The following C9orf43 variants were observed in gnomAD, a reference collection of about 807,000 sequenced individuals.
C9orf43 encodes chromosome 9 open reading frame 43, also known as uncharacterized protein C9orf43.
C9orf43 carries 45 observed loss-of-function variants against 59.1 expected under a neutral mutation model. That is an observed-to-expected ratio of 0.76 (90% CI 0.60 to 0.98). C9orf43 has a LOEUF of 0.98. C9orf43 is among the 50% of genes least tolerant of loss of function. C9orf43 has a pLI of 0.00. For synonymous variants in C9orf43, 203 were observed against 196.8 expected, an observed-to-expected ratio of 1.03 and a Z score of -0.26; for missense variants, 533 against 554.9, an observed-to-expected ratio of 0.96 and a Z score of 0.40.
At chr9:113,424,459 C>G (rs755567204) in intron 8 of C9orf43, 143 bp downstream of exon 8, 5 of 787,834 alleles carry the variant, frequency 6.3e-6, no homozygotes, top group African/African-American at 3.5e-5. Context: ...AGGCTGGGCT[C>G]TATGTATGTA....
In C9orf43 at chr9:113,419,146, G is replaced by A. The variant is rs757138150; in HGVS notation, c.326G>A (p.Cys109Tyr). Residue 109 changes from cysteine (C) to tyrosine (Y), a missense_variant, in exon 4 of 14, where the codon TGT becomes TAT. Cys to Tyr is a radical substitution (Grantham distance 194). Coordinates refer to ENST00000374165, the MANE Select transcript of C9orf43 (RefSeq NM_001278629.2). The part of the protein sequence containing the change: ...KGLPDKSLIN[C>Y]TNRLPKFPVL... ...TTACCTGACAAAAGTTTGATCAACT[G>A]TACTAACAGACTTCCCAAAGTAAGT... 1.9e-6 allele frequency: 3 copies of A among 1,608,164 alleles called. No individual in the cohort carries two copies. The highest frequency in any genetic ancestry group is 2.7e-5 in the African/African-American group (2 of 74,786).
chr9:113,422,447 TG>T, intron 5 of C9orf43, 101 bp from the exon 6 acceptor site: 1 of 1,485,374 alleles, frequency 6.7e-7, no homozygotes, highest in Non-Finnish European at 9.1e-7. Context: ...CAAATATCCT[TG>T]GAGCTTCTGT....
chr9:113,420,822 C>G lies in C9orf43; in HGVS notation c.346-281C>G, dbSNP rs558369641. 228 of 981,220 alleles carry G rather than the reference C, an allele frequency of 2.3e-4. 1 individual carries two copies. The African/African-American group carries it at 3.8e-3, about 16-fold the overall frequency. The allele number at this position is 981,220 out of a possible 1,614,324, so 60.8% of individuals were successfully genotyped here. Reference sequence around the variant, plus strand: ...ATGTTCCTGTAGGTAAGCCCCAGGGCACCCTCATATGGGATTGGATTGGGA... The same window carrying G: ...ATGTTCCTGTAGGTAAGCCCCAGGGGACCCTCATATGGGATTGGATTGGGA... On this transcript the variant is annotated intron_variant, in intron 4 of 13. Coordinates refer to ENST00000374165, the MANE Select transcript of C9orf43 (RefSeq NM_001278629.2).
At chr9:113,422,127 C>T (rs534139719) in intron 5 of C9orf43, among the ~76,000 whole-genome samples, 15 of 152,282 alleles carry the variant, frequency 9.9e-5, no homozygotes, top group Non-Finnish European at 1.8e-4. Flanking sequence ...TACTTCTTAC[C>T]AAACATCTCT....
chr9:113,429,543 T>G lies in C9orf43; in HGVS notation c.*157T>G. The G allele has an allele frequency of 4.9e-6, 3 of 611,892 alleles. No homozygotes were observed. The South Asian group carries it at 6.4e-5, about 13-fold the overall frequency. The allele number at this position is 611,892 out of a possible 1,614,324, so 37.9% of individuals were successfully genotyped here. A position where few individuals can be genotyped will look rare whatever the true frequency, so the allele number is the denominator to read the frequency against. ...TTTACCAGGGCCTGAGCTCTGAGCT[T>G]AGGGATTCCATTTTCTTTGTTCACC... is the stretch of plus-strand genomic sequence containing the variant. On this transcript the variant is annotated 3_prime_UTR_variant, in exon 14 of 14. Coordinates refer to ENST00000374165, the MANE Select transcript of C9orf43 (RefSeq NM_001278629.2).
At chr9:113,413,951 A>AT in intron 3 of C9orf43, 57 bp downstream of exon 3, 1 of 1,537,502 alleles carries the variant, frequency 6.5e-7, no homozygotes, top group Non-Finnish European at 8.8e-7. Context: ...CTGGATTATG[A>AT]TTTTCCTTAT....
At position 113,429,221 on chromosome 9, in the gene C9orf43, A is replaced by AGTTGTAGGAGGCTGAATTTGGCTC; in HGVS notation, c.1223_1224insTGTAGGAGGCTGAATTTGGCTCGT (p.Val408_Asp409insValGlyGlyTer). 1 of 1,614,182 alleles carries AGTTGTAGGAGGCTGAATTTGGCTC rather than the reference A, an allele frequency of 6.2e-7. No individual in the cohort carries two copies. Among genetic ancestry groups the AGTTGTAGGAGGCTGAATTTGGCTC allele is most frequent in the Non-Finnish European group, 8.5e-7 (1 of 1,180,040 alleles). On this transcript the variant is annotated stop_gained and inframe_insertion, in exon 14 of 14. Coordinates refer to ENST00000374165, the MANE Select transcript of C9orf43 (RefSeq NM_001278629.2). LOFTEE classifies it low-confidence loss of function (END_TRUNC). The stretch of plus-strand genomic sequence containing the variant: ...CCACTAACAAGGACATTAGTGCTCC[A>AGTTGTAGGAGGCTGAATTTGGCTC]GTGGACGCTGTGCCAGAAGCCCAGG...
intron 1 of C9orf43, among the ~76,000 whole-genome samples, chr9:113,411,526 C>G (rs1364568262): frequency 6.6e-6 from 1 of 152,152 alleles, no homozygotes; most frequent in Non-Finnish European, 1.5e-5. Flanking sequence ...GTCTCGATCT[C>G]CTGACCTCGT....
chr9:113,429,064 T>G, intron 13 of C9orf43, 101 bp downstream of exon 13: 2 of 1,482,910 alleles, frequency 1.3e-6, no homozygotes, highest in South Asian at 2.3e-5. Context: ...GCACAGTTCC[T>G]CTATCTCAGA....
intron 9 of C9orf43, 48 bp from the exon 10 acceptor site, chr9:113,425,296 A>G: frequency 1.9e-6 from 3 of 1,610,012 alleles, no homozygotes; most frequent in African/African-American, 1.3e-5. Flanking sequence ...TTCCAGTGGG[A>G]GAGAGGGGGC....
rs1321442224 is a variant in C9orf43 at position 113,429,289 on chromosome 9, T to G, written c.1289T>G (p.Met430Arg). Reference sequence around the variant, plus strand: ...ATCTCCTTTAACTTTTCAGAAATTATGGCTAGCACAGGCTGGAACTCTGAG... The same window carrying G: ...ATCTCCTTTAACTTTTCAGAAATTAGGGCTAGCACAGGCTGGAACTCTGAG... The part of the protein sequence containing the change: ...KKISFNFSEI[M>R]ASTGWNSELK... The change falls in exon 14 of 14, where the codon ATG becomes AGG. Residue 430 changes from methionine (M) to arginine (R), a missense_variant. Coordinates refer to ENST00000374165, the MANE Select transcript of C9orf43 (RefSeq NM_001278629.2). 2 of 1,614,224 alleles carry G rather than the reference T, an allele frequency of 1.2e-6. No individual in the cohort carries two copies. Among genetic ancestry groups the G allele is most frequent in the Non-Finnish European group, 1.7e-6 (2 of 1,180,024 alleles).
intron 4 of C9orf43, among the ~76,000 whole-genome samples, chr9:113,420,267 A>G (rs1475769976): frequency 2.0e-5 from 3 of 151,972 alleles, no homozygotes; most frequent in Non-Finnish European, 2.9e-5. Context: ...CTAATTAAAA[A>G]CTTTTTGTAG....
At chr9:113,422,654 G>A (rs1029844977) in intron 6 of C9orf43, 69 bp downstream of exon 6, 2 of 1,569,338 alleles carry the variant, frequency 1.3e-6, no homozygotes, top group Non-Finnish European at 1.7e-6. Context: ...TTTCCTTTCA[G>A]GTCTCCTCCA....
At chr9:113,423,240 G>T in intron 6 of C9orf43, 86 bp from the exon 7 acceptor site, 1 of 1,329,200 alleles carries the variant, frequency 7.5e-7, no homozygotes. Context: ...ACATGCCAGG[G>T]TAGTGTTGAG....
chr9:113,421,225 C>T (rs747793512), intron 5 of C9orf43, 22 bp downstream of exon 5: 1 of 1,546,716 alleles, frequency 6.5e-7, no homozygotes, highest in Non-Finnish European at 8.9e-7. Flanking sequence ...ATCTGGAACT[C>T]AGAGGACTTT....
intron 4 of C9orf43, 52 bp from the exon 5 acceptor site, chr9:113,421,050 AT>A: frequency 7.3e-7 from 1 of 1,375,010 alleles, no homozygotes; most frequent in Non-Finnish European, 1.0e-6. Context: ...CCTTAATCTG[AT>A]ATAGGAGCTT....
chr9:113,429,526 G>A lies in C9orf43; in HGVS notation c.*140G>A. The A allele has an allele frequency of 1.5e-6, 1 of 669,356 alleles. No individual in the cohort carries two copies. The highest frequency in any genetic ancestry group is 1.9e-5 in the South Asian group (1 of 51,478). 41.5% of individuals were successfully genotyped at this position (669,356 alleles called of 1,614,324 possible). On this transcript the variant is annotated 3_prime_UTR_variant, in exon 14 of 14. Transcript: ENST00000374165. ...TTCTGCTCTCTGGAGCCTTTACCAGGGCCTGAGCTCTGAGCTTAGGGATTC... is the reference window on the plus strand; with the variant it reads ...TTCTGCTCTCTGGAGCCTTTACCAGAGCCTGAGCTCTGAGCTTAGGGATTC...
chr9:113,420,089 A>C (rs1453091069), intron 4 of C9orf43, among the ~76,000 whole-genome samples: 1 of 152,058 alleles, frequency 6.6e-6, no homozygotes, highest in Non-Finnish European at 1.5e-5. Context: ...TAATAATAAC[A>C]ACAATAATAA....
intron 1 of C9orf43, chr9:113,411,280 T>A: frequency 3.6e-6 from 1 of 277,804 alleles, no homozygotes; most frequent in Non-Finnish European, 5.5e-6. Flanking sequence ...AAAACCATTC[T>A]CAAGGTTTTG....
Sources: allele counts gnomAD v4.1 joint callset (sites outside exome capture counted in the v4.1 genomes callset), GRCh38; gene constraint gnomAD v4.1.1; transcripts MANE v1.5; gene names NCBI Gene and HGNC (gene_info 2026-07-23, HGNC 2026-07-21).